The following CRY1 variants were observed in gnomAD, a reference collection of about 807,000 sequenced individuals.
CRY1 encodes the protein cryptochrome-1.
CRY1 carries 45 observed loss-of-function variants against 76.0 expected under a neutral mutation model. The ratio of observed to expected loss-of-function variants is 0.59; its 90% CI spans 0.47 to 0.76. The LOEUF is 0.76. Ranked by LOEUF, CRY1 falls within the 30% of genes least tolerant of loss-of-function variation. The pLI is 0.00. For synonymous variants in CRY1, 248 were observed against 244.0 expected, an observed-to-expected ratio of 1.02 and a Z score of -0.15; for missense variants, 587 against 716.4, an observed-to-expected ratio of 0.82 and a Z score of 2.06.
intron 1 of CRY1, among the ~76,000 whole-genome samples, chr12:107,046,287 T>C (rs990651170): frequency 4.7e-5 from 5 of 105,682 alleles, no homozygotes; most frequent in Non-Finnish European, 1.1e-4. Flanking sequence ...AGTGAGACTT[T>C]GCCTCAAAAA....
chr12:107,019,493 T>C (rs988642811), intron 2 of CRY1, among the ~76,000 whole-genome samples: 3 of 152,182 alleles, frequency 2.0e-5, no homozygotes, highest in Admixed American at 6.5e-5. Flanking sequence ...ATTGATAAGA[T>C]AGGACATCAT....
At chr12:107,001,067 C>T (rs1952303598) in intron 5 of CRY1, among the ~76,000 whole-genome samples, 1 of 151,842 alleles carries the variant, frequency 6.6e-6, no homozygotes, top group South Asian at 2.1e-4. Context: ...GCGGTAGTAG[C>T]TAAAGGGGAA....
At chr12:107,019,539 T>C (rs1952530882) in intron 2 of CRY1, among the ~76,000 whole-genome samples, 1 of 152,218 alleles carries the variant, frequency 6.6e-6, no homozygotes, top group African/African-American at 2.4e-5. Flanking sequence ...AATAATGTGC[T>C]ATTTTAGGCA....
chr12:107,022,034 G>A (rs1386932627), intron 2 of CRY1, 50 bp downstream of exon 2: 2 of 1,317,586 alleles, frequency 1.5e-6, no homozygotes, highest in Non-Finnish European at 1.1e-6. Context: ...TACCAAATAT[G>A]TAATATTATC....
chr12:107,074,072 C>T (rs923151870), intron 1 of CRY1, among the ~76,000 whole-genome samples: 2 of 152,194 alleles, frequency 1.3e-5, no homozygotes, highest in South Asian at 4.1e-4. Context: ...CAAAAACCTA[C>T]ATGTCACTCT....
chr12:107,031,430 C>T (rs1476808730), intron 1 of CRY1, among the ~76,000 whole-genome samples: 5 of 145,620 alleles, frequency 3.4e-5, no homozygotes, highest in Non-Finnish European at 7.5e-5. Flanking sequence ...AATCTTAAGT[C>T]ACAGATGAAG....
At chr12:107,049,569 G>C (rs1952893077) in intron 1 of CRY1, among the ~76,000 whole-genome samples, 1 of 152,082 alleles carries the variant, frequency 6.6e-6, no homozygotes, top group African/African-American at 2.4e-5. Flanking sequence ...GTAGAGTTGG[G>C]GTTTCACCAT....
At position 106,999,845 on chromosome 12, in the gene CRY1, G is replaced by C. The variant is rs1397224225; in HGVS notation, c.843C>G (p.Ser281=). ...DLYKKVKKNS[S]PPLSLYGQLL... is the part of the protein sequence containing the mutation. ...GTTGCCCATAAAGGGAAAGGGGAGG[G>C]GAACTGTTCTTCTTTACCTATGGTT... The change falls in exon 7 of 13, where the codon TCC becomes TCG. Residue 281 remains serine (S), a synonymous_variant. Transcript: ENST00000008527. 6.2e-7 allele frequency: 1 copy of C among 1,610,844 alleles called. No homozygotes were observed.
chr12:107,061,370 T>C (rs935538206), intron 1 of CRY1, among the ~76,000 whole-genome samples: 3 of 151,784 alleles, frequency 2.0e-5, no homozygotes, highest in Non-Finnish European at 1.5e-5. Context: ...TGATTCCTAA[T>C]ACAGTCTTTT....
chr12:107,053,756 T>C (rs1475585270), intron 1 of CRY1, among the ~76,000 whole-genome samples: 1 of 151,926 alleles, frequency 6.6e-6, no homozygotes, highest in Non-Finnish European at 1.5e-5. Context: ...GAGAAGTAAA[T>C]ACAAAGAAAC....
At chr12:107,035,491 G>A (rs1019179547) in intron 1 of CRY1, among the ~76,000 whole-genome samples, 2 of 152,208 alleles carry the variant, frequency 1.3e-5, no homozygotes, top group Non-Finnish European at 1.5e-5. Context: ...GTGTGTATAA[G>A]ACACTGCTCT....
At chr12:107,009,898 ATAAAATGAGTTGGGAAGTAATCT>A (rs1360528781) in intron 2 of CRY1, among the ~76,000 whole-genome samples, 6 of 152,150 alleles carry the variant, frequency 3.9e-5, no homozygotes, top group Non-Finnish European at 5.9e-5. Context: ...TGCTGTCCTC[ATAAAATGAGTTGGGAAGTAATCT>A]CAATCTTGTT....
chr12:107,063,923 T>A (rs989998387), intron 1 of CRY1, among the ~76,000 whole-genome samples: 1 of 152,154 alleles, frequency 6.6e-6, no homozygotes, highest in Non-Finnish European at 1.5e-5. Context: ...TCAGGGCTCA[T>A]TATATTCATA....
chr12:107,062,679 T>C lies in CRY1; in HGVS notation c.158+30125A>G, dbSNP rs552229434. Among the ~76,000 whole-genome samples, 124 of 152,158 alleles carry C rather than the reference T, an allele frequency of 8.1e-4. 1 individual carries two copies. Among genetic ancestry groups the C allele is most frequent in the African/African-American group, 2.8e-3 (118 of 41,518 alleles). On this transcript the variant is annotated intron_variant, in intron 1 of 12. Coordinates refer to ENST00000008527, the MANE Select transcript of CRY1 (RefSeq NM_004075.5). ...TCATTTCTACAATGCACACTGGGAGTTGCATTCAAACAAAAGGAAATATAT... is the reference window on the plus strand; with the variant it reads ...TCATTTCTACAATGCACACTGGGAGCTGCATTCAAACAAAAGGAAATATAT...
intron 1 of CRY1, among the ~76,000 whole-genome samples, chr12:107,069,300 C>T (rs1347724645): frequency 2.0e-5 from 3 of 150,422 alleles, no homozygotes. Flanking sequence ...TCTTGGCTCA[C>T]TGCAAGCTGC....
intron 12 of CRY1, 186 bp downstream of exon 12, chr12:106,992,601 A>C: frequency 3.9e-6 from 2 of 511,618 alleles, no homozygotes; most frequent in South Asian, 3.0e-5. Context: ...CTGGTGCAAC[A>C]ATTTCTCCAG....
intron 3 of CRY1, among the ~76,000 whole-genome samples, chr12:107,002,459 G>A (rs1266750935): frequency 6.6e-6 from 1 of 152,118 alleles, no homozygotes; most frequent in Non-Finnish European, 1.5e-5. Context: ...CATGTAGATA[G>A]TAAAATGGTT....
intron 7 of CRY1, 30 bp downstream of exon 7, chr12:106,999,520 TA>T: frequency 6.5e-7 from 1 of 1,540,806 alleles, no homozygotes; most frequent in South Asian, 1.3e-5. Context: ...TCCTTCAAAA[TA>T]AGGCATGCTA....
rs140492808 is a variant in CRY1, at chr12:107,019,285, A to C, written c.267+2799T>G. Among the ~76,000 whole-genome samples, 302 of 152,322 alleles carry C rather than the reference A, an allele frequency of 2.0e-3. 1 individual carries two copies. Among genetic ancestry groups the C allele is most frequent in the African/African-American group, 6.6e-3 (276 of 41,584 alleles). On this transcript the variant is annotated intron_variant, in intron 2 of 12. Coordinates refer to ENST00000008527, the MANE Select transcript of CRY1 (RefSeq NM_004075.5). ...TAAAAATCAAAACATTAATTCAATA[A>C]AAAGGAATTAATTCCCTCTATGGCT...
Sources: allele counts gnomAD v4.1 joint callset (sites outside exome capture counted in the v4.1 genomes callset), GRCh38; gene constraint gnomAD v4.1.1; transcripts MANE v1.5; gene names NCBI Gene and HGNC (gene_info 2026-07-23, HGNC 2026-07-21).